SRGAP3: variants seen among roughly 807,000 people sequenced by gnomAD.
SRGAP3 encodes SLIT-ROBO Rho GTPase-activating protein 3.
A neutral mutation model predicts 121.1 loss-of-function variants in SRGAP3; 39 were observed. The observed-to-expected ratio is 0.32, with a 90% CI of 0.25 to 0.42. The LOEUF (loss-of-function observed/expected upper bound fraction) is 0.42, where lower values mean the gene tolerates loss of function less well. Ranked by LOEUF, SRGAP3 falls within the 10% of genes least tolerant of loss-of-function variation. The pLI is 1.00. For synonymous variants in SRGAP3, 601 were observed against 570.0 expected (o/e 1.05, Z -0.77); for missense variants, 1,213 against 1,470.6 (o/e 0.82, Z 2.86).
intron 3 of SRGAP3, among the ~76,000 whole-genome samples, chr3:9,289,986 C>T (rs1409207590): frequency 6.6e-6 from 1 of 152,162 alleles, no homozygotes; most frequent in African/African-American, 2.4e-5. Context: ...TGGTAAACAA[C>T]TGTAGTCCCA....
intron 1 of SRGAP3, among the ~76,000 whole-genome samples, chr3:9,204,769 G>T (rs557078757): frequency 1.3e-5 from 2 of 152,312 alleles, no homozygotes; most frequent in East Asian, 3.9e-4. Context: ...CCTACCCCCA[G>T]CCCCAGCCTT....
chr3:9,176,140 T>G (rs577456058), intron 1 of SRGAP3, among the ~76,000 whole-genome samples: 1 of 152,288 alleles, frequency 6.6e-6, no homozygotes, highest in East Asian at 1.9e-4. Flanking sequence ...CAGGCTGGTC[T>G]CAAACTCCAG....
At chr3:9,055,180 T>C (rs1945762567) in intron 8 of SRGAP3, among the ~76,000 whole-genome samples, 1 of 152,244 alleles carries the variant, frequency 6.6e-6, no homozygotes, top group Admixed American at 6.5e-5. Flanking sequence ...GGGACTGCAC[T>C]GATTTGCTAT....
At chr3:9,075,847 C>G (rs1946950351) in intron 4 of SRGAP3, among the ~76,000 whole-genome samples, 1 of 152,168 alleles carries the variant, frequency 6.6e-6, no homozygotes, top group Admixed American at 6.5e-5. Context: ...CAAAAGAAAT[C>G]CCTAGCAATG....
chr3:9,011,839 AT>A (rs1943395515), intron 17 of SRGAP3, among the ~76,000 whole-genome samples: 1 of 152,206 alleles, frequency 6.6e-6, no homozygotes, highest in Non-Finnish European at 1.5e-5. Flanking sequence ...CAAAATTACC[AT>A]GTAATTAATA....
At chr3:9,348,094 T>C (rs1402502924) in intron 1 of SRGAP3, among the ~76,000 whole-genome samples, 2 of 152,220 alleles carry the variant, frequency 1.3e-5, no homozygotes, top group Non-Finnish European at 1.5e-5. Flanking sequence ...CATTATTCAG[T>C]AGCACCAAAA....
At chr3:9,344,274 G>T (rs923689830) in intron 1 of SRGAP3, among the ~76,000 whole-genome samples, 5 of 152,216 alleles carry the variant, frequency 3.3e-5, no homozygotes, top group African/African-American at 1.2e-4. Context: ...GGCCAACATG[G>T]TGAAAATCCG....
intron 3 of SRGAP3, among the ~76,000 whole-genome samples, chr3:9,091,788 C>T (rs1318337342): frequency 2.0e-5 from 3 of 152,164 alleles, no homozygotes; most frequent in Non-Finnish European, 4.4e-5. Flanking sequence ...TTCCTGCCCA[C>T]CCTCTATCCT....
At chr3:9,040,915 T>C (rs1371603310) in intron 10 of SRGAP3, among the ~76,000 whole-genome samples, 1 of 152,236 alleles carries the variant, frequency 6.6e-6, no homozygotes, top group African/African-American at 2.4e-5. Flanking sequence ...CATTGGAAAA[T>C]ACTGTGTTCT....
intron 1 of SRGAP3, 43 bp downstream of exon 1, chr3:9,248,842 C>T (rs1448562522): frequency 1.9e-6 from 3 of 1,601,890 alleles, no homozygotes; most frequent in Non-Finnish European, 2.6e-6. Context: ...AAGAGAAAAA[C>T]GAAAGGGGAG....
At chr3:9,140,103 CCTT>C (rs1949795132) in intron 1 of SRGAP3, among the ~76,000 whole-genome samples, 1 of 150,250 alleles carries the variant, frequency 6.7e-6, no homozygotes, top group Non-Finnish European at 1.5e-5. Flanking sequence ...GAATAATTCT[CCTT>C]CTAGGCTCAG....
At chr3:9,046,567 T>C (rs73146030) in intron 10 of SRGAP3, among the ~76,000 whole-genome samples, 9,902 of 152,306 alleles carry the variant, frequency 0.065, 1,097 homozygotes, top group African/African-American at 0.23. Context: ...CTGGAATGCA[T>C]TGAGTGGCTT....
intron 1 of SRGAP3, among the ~76,000 whole-genome samples, chr3:9,153,699 G>A (rs1202006361): frequency 6.6e-6 from 1 of 152,062 alleles, no homozygotes; most frequent in East Asian, 1.9e-4. Flanking sequence ...GGGAAAGAGA[G>A]TGACAAAAAG....
chr3:9,186,393 G>A (rs1429079877), intron 1 of SRGAP3, among the ~76,000 whole-genome samples: 2 of 151,886 alleles, frequency 1.3e-5, no homozygotes, highest in Non-Finnish European at 2.9e-5. Context: ...TTACATTGTC[G>A]GCTCCTTAAG....
At chr3:9,003,644 A>G (rs1054528494) in intron 18 of SRGAP3, among the ~76,000 whole-genome samples, 2 of 152,244 alleles carry the variant, frequency 1.3e-5, no homozygotes, top group African/African-American at 2.4e-5. Context: ...AAAATAAAAA[A>G]CAAAAATCAC....
intron 1 of SRGAP3, among the ~76,000 whole-genome samples, chr3:9,339,038 G>A (rs73811472): frequency 0.011 from 1,665 of 152,264 alleles, 31 homozygotes; most frequent in African/African-American, 0.038. Flanking sequence ...AAGAGTCTTC[G>A]TGTACTTAGC....
chr3:9,315,145 T>G (rs1356606656), intron 3 of SRGAP3, among the ~76,000 whole-genome samples: 2 of 152,202 alleles, frequency 1.3e-5, no homozygotes, highest in Non-Finnish European at 2.9e-5. Context: ...CAGTCTATCT[T>G]CAGCTGGGTT....
At chr3:9,185,748 G>A in intron 1 of SRGAP3, among the ~76,000 whole-genome samples, 1 of 151,924 alleles carries the variant, frequency 6.6e-6, no homozygotes, top group Non-Finnish European at 1.5e-5. Flanking sequence ...TGTTGCTCAG[G>A]CTGGTCTCAA....
In SRGAP3 at chr3:9,151,592, G is replaced by A. The variant is rs576318263; in HGVS notation, c.68-26675C>T. Among the ~76,000 whole-genome samples the A allele has an allele frequency of 5.3e-5, 8 of 152,352 alleles. No homozygotes were observed. In the South Asian group the frequency reaches 1.7e-3, roughly 32 times the overall value. On this transcript the variant is annotated intron_variant, in intron 1 of 21. Coordinates refer to ENST00000383836, the MANE Select transcript of SRGAP3 (RefSeq NM_014850.4). ...CCTGCCAGAACTGGTCAGAGAAGAA[G>A]AGACAGATGTGAGGAACACACTCTA...
Sources: gnomAD v4.1 joint callset for allele counts (sites outside exome capture counted in the v4.1 genomes callset) on GRCh38, gnomAD v4.1.1 for gene constraint, MANE v1.5 for transcripts, NCBI Gene and HGNC (gene_info 2026-07-23, HGNC 2026-07-21) for gene names.